Variants in AKT3 observed in about 807,000 individuals in gnomAD.
AKT3 encodes the protein AKT serine/threonine kinase 3.
AKT3 carries 15 observed loss-of-function variants against 65.3 expected under a neutral mutation model. The ratio of observed to expected loss-of-function variants is 0.23; its 90% CI spans 0.15 to 0.35. The LOEUF (loss-of-function observed/expected upper bound fraction) is 0.35. AKT3 is among the 10% of genes least tolerant of loss of function. The probability of loss-of-function intolerance (pLI) is 1.00; values close to 1 mark genes in which losing one functional copy is unlikely to be tolerated. For missense variants in AKT3, 243 were observed against 576.5 expected (o/e 0.42, Z 5.92); for synonymous variants, 206 against 183.8 (o/e 1.12, Z -0.98).
chr1:243,542,175 A>G (rs1398298811), intron 12 of AKT3, among the ~76,000 whole-genome samples: 1 of 152,230 alleles, frequency 6.6e-6, no homozygotes, highest in Non-Finnish European at 1.5e-5. Flanking sequence ...TGTAAAATTT[A>G]CGTAGAAATC....
intron 2 of AKT3, among the ~76,000 whole-genome samples, chr1:243,776,576 A>G (rs1690562685): frequency 6.6e-6 from 1 of 152,210 alleles, no homozygotes; most frequent in Admixed American, 6.5e-5. Context: ...TCCAGCCTCC[A>G]GAACTGTGAG....
At chr1:243,649,799 T>TA (rs1335550614) in intron 4 of AKT3, among the ~76,000 whole-genome samples, 3 of 152,130 alleles carry the variant, frequency 2.0e-5, no homozygotes, top group African/African-American at 7.2e-5. Context: ...ACACTTTTTT[T>TA]ATCCCGTCTA....
intron 12 of AKT3, 43 bp downstream of exon 12, chr1:243,545,467 T>C: frequency 8.4e-7 from 1 of 1,194,642 alleles, no homozygotes; most frequent in Non-Finnish European, 1.2e-6. Flanking sequence ...ATTTTAGCAG[T>C]GCAGCCAAAA....
chr1:243,802,179 C>CT (rs1024916699), intron 2 of AKT3, among the ~76,000 whole-genome samples: 5 of 152,050 alleles, frequency 3.3e-5, no homozygotes, highest in African/African-American at 1.2e-4. Flanking sequence ...AGTTTGTATA[C>CT]TTTTTTGCTG....
At chr1:243,800,525 C>T (rs964525834) in intron 2 of AKT3, among the ~76,000 whole-genome samples, 15 of 152,276 alleles carry the variant, frequency 9.9e-5, no homozygotes, top group African/African-American at 3.6e-4. Flanking sequence ...CAAGACCATC[C>T]TGGCCAACAT....
chr1:243,820,209 A>C (rs967923607), intron 2 of AKT3, among the ~76,000 whole-genome samples: 2 of 152,170 alleles, frequency 1.3e-5, no homozygotes, highest in Non-Finnish European at 2.9e-5. Flanking sequence ...GTAAGCCACC[A>C]CACCCAGCCC....
rs1474766803 is a variant in AKT3 at position 243,499,775 on chromosome 1, C to CTGAT, written c.*5470_*5473dup. The CTGAT allele has an allele frequency of 1.9e-6, 3 of 1,612,744 alleles. No homozygotes were observed. Among genetic ancestry groups the CTGAT allele is most frequent in the Admixed American group, 3.3e-5 (2 of 60,028 alleles). ...TTCCAGTTACCCAGCATGCCACAAT[C>CTGAT]TGATTGCTGACCTGGATGGAACAGA... On this transcript the variant is annotated 3_prime_UTR_variant, in exon 14 of 14. Transcript: ENST00000673466.
chr1:243,646,152 T>A, intron 4 of AKT3, 115 bp from the exon 5 acceptor site: 2 of 859,446 alleles, frequency 2.3e-6, no homozygotes, highest in Non-Finnish European at 3.4e-6. Context: ...TCAAACACAC[T>A]CAACACAGAT....
At chr1:243,523,383 C>T (rs1670852151) in intron 12 of AKT3, among the ~76,000 whole-genome samples, 1 of 151,898 alleles carries the variant, frequency 6.6e-6, no homozygotes, top group Admixed American at 6.6e-5. Flanking sequence ...AGAACAGGAA[C>T]AGGCAAAGAA....
At chr1:243,671,078 C>CT (rs569050061) in intron 3 of AKT3, among the ~76,000 whole-genome samples, 3,821 of 137,148 alleles carry the variant, frequency 0.028, 133 homozygotes, top group African/African-American at 0.077. Flanking sequence ...TAATAGATTC[C>CT]TTTTTTTTTT....
intron 6 of AKT3, chr1:243,624,899 T>A (rs1028037105): frequency 4.7e-6 from 1 of 213,156 alleles, no homozygotes; most frequent in Non-Finnish European, 1.0e-5. Flanking sequence ...ATACTTTGAA[T>A]CCTGATCACC....
intron 12 of AKT3, among the ~76,000 whole-genome samples, chr1:243,526,575 T>C (rs538786853): frequency 2.4e-4 from 37 of 151,986 alleles, no homozygotes; most frequent in Middle Eastern, 3.4e-3. Context: ...TACAAAGCCA[T>C]CACACAAACA....
intron 3 of AKT3, among the ~76,000 whole-genome samples, chr1:243,692,904 C>T (rs1684790888): frequency 2.0e-5 from 3 of 151,790 alleles, no homozygotes; most frequent in Admixed American, 2.0e-4. Context: ...TTCTTTTCCC[C>T]TACATTAGCA....
intron 2 of AKT3, among the ~76,000 whole-genome samples, chr1:243,696,594 C>G (rs996310224): frequency 3.3e-5 from 5 of 151,908 alleles, no homozygotes; most frequent in Admixed American, 1.3e-4. Flanking sequence ...ATCTCAAATG[C>G]TTAGGCAAAG....
chr1:243,703,186 C>G (rs528549845), intron 2 of AKT3: 2 of 152,162 alleles, frequency 1.3e-5, no homozygotes, highest in South Asian at 4.1e-4. Context: ...ATGGCAAAAT[C>G]TTTTCTACTA....
chr1:243,682,068 C>G (rs1245915203), intron 3 of AKT3, among the ~76,000 whole-genome samples: 1 of 151,914 alleles, frequency 6.6e-6, no homozygotes, highest in Admixed American at 6.6e-5. Context: ...AATCCTCTTT[C>G]TAGAAACTAT....
rs561248952 is a variant in AKT3 at position 243,678,044 on chromosome 1, C to T, written c.173-13161G>A. ...CGGAGGTTGCAGTGAGCCGAGATCG[C>T]GCCATTCCACTCCAGCCTGGGCAAC... is the stretch of plus-strand genomic sequence containing the variant. On this transcript the variant is annotated intron_variant, in intron 3 of 13. Coordinates refer to ENST00000673466, the MANE Select transcript of AKT3 (RefSeq NM_005465.7). Among the ~76,000 whole-genome samples the T allele has an allele frequency of 6.6e-5, 10 of 152,094 alleles. No individual in the cohort carries two copies. The South Asian group carries it at 1.9e-3, about 28-fold the overall frequency.
intron 2 of AKT3, among the ~76,000 whole-genome samples, chr1:243,746,942 A>T (rs1688505193): frequency 6.6e-6 from 1 of 152,182 alleles, no homozygotes; most frequent in African/African-American, 2.4e-5. Context: ...GCAAGCTGCC[A>T]TGCTGAGTTT....
At chr1:243,528,209 T>C (rs2148406302) in intron 12 of AKT3, among the ~76,000 whole-genome samples, 1 of 152,326 alleles carries the variant, frequency 6.6e-6, no homozygotes, top group South Asian at 2.1e-4. Context: ...TGTTTCTATG[T>C]AGCTCCAATT....
Sources: gnomAD v4.1 joint callset for allele counts (sites outside exome capture counted in the v4.1 genomes callset) on GRCh38, gnomAD v4.1.1 for gene constraint, MANE v1.5 for transcripts, NCBI Gene and HGNC (gene_info 2026-07-23, HGNC 2026-07-21) for gene names.